Variants in FAT3 observed in about 807,000 individuals in gnomAD.
The protein encoded by FAT3 is protocadherin Fat 3.
A neutral mutation model predicts 310.2 loss-of-function variants in FAT3; 95 were observed. The observed-to-expected ratio is 0.31, with a 90% CI of 0.26 to 0.36. The LOEUF (loss-of-function observed/expected upper bound fraction) is 0.36, where lower values mean the gene tolerates loss of function less well. FAT3 is among the 10% of genes least tolerant of loss of function. The pLI, the probability that FAT3 is intolerant of heterozygous loss-of-function variation, is 1.00. For synonymous variants in FAT3, 2,314 were observed against 2,192.9 expected, an observed-to-expected ratio of 1.06 and a Z score of -1.54; for missense variants, 5,408 against 5,715.6, an observed-to-expected ratio of 0.95 and a Z score of 1.74.
At chr11:92,761,282 C>G (rs574788931) in intron 4 of FAT3, among the ~76,000 whole-genome samples, 1 of 152,342 alleles carries the variant, frequency 6.6e-6, no homozygotes, top group Non-Finnish European at 1.5e-5. Flanking sequence ...AAGGGAAAAG[C>G]AAGCCTTCAC....
intron 2 of FAT3, among the ~76,000 whole-genome samples, chr11:92,451,145 T>G (rs1951343177): frequency 6.6e-6 from 1 of 152,170 alleles, no homozygotes; most frequent in African/African-American, 2.4e-5. Flanking sequence ...AGCTGTAGCC[T>G]TGAGGGACCT....
intron 3 of FAT3, among the ~76,000 whole-genome samples, chr11:92,584,846 A>G (rs1464105168): frequency 1.3e-5 from 2 of 152,072 alleles, no homozygotes; most frequent in African/African-American, 2.4e-5. Context: ...AGAAAAATTT[A>G]AAAAGAATGA....
At chr11:92,313,193 A>G (rs930457267) in intron 1 of FAT3, among the ~76,000 whole-genome samples, 1 of 152,226 alleles carries the variant, frequency 6.6e-6, no homozygotes, top group Non-Finnish European at 1.5e-5. Context: ...TCCCAGAGAA[A>G]CACTAGGTAA....
At chr11:92,705,412 A>ATGGTGGTAGTGG (rs1944252946) in intron 4 of FAT3, among the ~76,000 whole-genome samples, 1 of 31,708 alleles carries the variant, frequency 3.2e-5, no homozygotes. Context: ...GGTGGTGGTG[A>ATGGTGGTAGTGG]TGGTGGTAGT....
chr11:92,228,432 C>A (rs565122963), intron 1 of FAT3, among the ~76,000 whole-genome samples: 1 of 152,128 alleles, frequency 6.6e-6, no homozygotes, highest in East Asian at 1.9e-4. Context: ...GTATGCTATA[C>A]GGTTATTTTG....
At chr11:92,412,527 G>T (rs963239347) in intron 2 of FAT3, among the ~76,000 whole-genome samples, 4 of 145,564 alleles carry the variant, frequency 2.7e-5, no homozygotes, top group Middle Eastern at 3.6e-3. Context: ...GGGATTCTTA[G>T]ATCTATATAG....
rs929682233 is a variant in FAT3 at position 92,255,739 on chromosome 11, G to A, written c.-18+30565G>A. 5.9e-4 allele frequency among the ~76,000 whole-genome samples: 89 copies of A among 152,076 alleles called. 1 individual carries two copies. Among genetic ancestry groups the A allele is most frequent in the Admixed American group, 2.2e-3 (33 of 15,270 alleles). ...AACACCTGCCCTATAGAATTTTATG[G>A]CAATGAAACAGAGTCTGGCGCAAGT... On this transcript the variant is annotated intron_variant, in intron 1 of 27. Coordinates refer to ENST00000525166, the MANE Select transcript of FAT3 (RefSeq NM_001367949.2).
At chr11:92,486,704 C>CT (rs1952418968) in intron 2 of FAT3, among the ~76,000 whole-genome samples, 2 of 152,148 alleles carry the variant, frequency 1.3e-5, no homozygotes, top group African/African-American at 4.8e-5. Context: ...ACTCTATTCT[C>CT]TAAGTCTTTG....
chr11:92,455,915 G>A (rs1376563648), intron 2 of FAT3, among the ~76,000 whole-genome samples: 1 of 152,088 alleles, frequency 6.6e-6, no homozygotes, highest in East Asian at 1.9e-4. Flanking sequence ...TAGAGAAAAT[G>A]GTACTCTAGT....
intron 3 of FAT3, among the ~76,000 whole-genome samples, chr11:92,659,227 C>G (rs575510213): frequency 1.3e-5 from 2 of 152,326 alleles, no homozygotes; most frequent in South Asian, 4.1e-4. Context: ...TGCCGCAGCT[C>G]ACATGAGTGG....
chr11:92,887,472 C>CCT (rs1949822436), intron 25 of FAT3, among the ~76,000 whole-genome samples: 1 of 152,104 alleles, frequency 6.6e-6, no homozygotes. Flanking sequence ...TGATCTCTTC[C>CCT]CTCTTCACTG....
intron 3 of FAT3, among the ~76,000 whole-genome samples, chr11:92,562,934 A>G (rs1342957016): frequency 1.3e-5 from 2 of 152,158 alleles, no homozygotes; most frequent in Non-Finnish European, 2.9e-5. Context: ...CCTCACAGAC[A>G]CACCTAGAAA....
At chr11:92,490,342 T>C (rs1952565812) in intron 2 of FAT3, among the ~76,000 whole-genome samples, 1 of 152,102 alleles carries the variant, frequency 6.6e-6, no homozygotes, top group South Asian at 2.1e-4. Flanking sequence ...ATTACTACAG[T>C]GTTCACTGGA....
At chr11:92,400,192 AATTTCATCAG>A (rs1169276373) in intron 2 of FAT3, 1 of 152,180 alleles carries the variant, frequency 6.6e-6, no homozygotes, top group Admixed American at 6.5e-5. Flanking sequence ...ACATATGCAT[AATTTCATCAG>A]GTATTTATTA....
intron 1 of FAT3, among the ~76,000 whole-genome samples, chr11:92,299,594 G>A (rs1363313199): frequency 6.6e-6 from 1 of 152,088 alleles, no homozygotes; most frequent in Non-Finnish European, 1.5e-5. Context: ...TAACAACAGA[G>A]GGGTGGGTCA....
At chr11:92,615,454 C>A (rs2135641919) in intron 3 of FAT3, among the ~76,000 whole-genome samples, 1 of 152,190 alleles carries the variant, frequency 6.6e-6, no homozygotes, top group African/African-American at 2.4e-5. Context: ...ACCATGTTGG[C>A]CAGGCTGGTC....
chr11:92,229,222 C>T (rs1864043044), intron 1 of FAT3, among the ~76,000 whole-genome samples: 1 of 152,080 alleles, frequency 6.6e-6, no homozygotes, highest in African/African-American at 2.4e-5. Flanking sequence ...CTTTTTTGAT[C>T]TCTAACTGTT....
At chr11:92,566,693 C>G (rs10765555) in intron 3 of FAT3, among the ~76,000 whole-genome samples, 1 of 149,852 alleles carries the variant, frequency 6.7e-6, no homozygotes, top group Admixed American at 6.6e-5. Flanking sequence ...AACAGAGATA[C>G]TGATCAATGG....
intron 1 of FAT3, among the ~76,000 whole-genome samples, chr11:92,306,590 T>G (rs1489499312): frequency 7.8e-6 from 1 of 127,732 alleles, no homozygotes; most frequent in African/African-American, 3.0e-5. Flanking sequence ...ATATTTATAT[T>G]ATATATATTA....
Sources: gnomAD v4.1 joint callset for allele counts (sites outside exome capture counted in the v4.1 genomes callset) on GRCh38, gnomAD v4.1.1 for gene constraint, MANE v1.5 for transcripts, NCBI Gene and HGNC (gene_info 2026-07-23, HGNC 2026-07-21) for gene names.